The following NEBL variants were observed in gnomAD, a reference collection of about 807,000 sequenced individuals.
The protein encoded by NEBL is nebulette, also known as LIM and SH3 protein 2.
In NEBL, 122 loss-of-function variants were observed where a neutral mutation model predicts 140.2. The observed-to-expected ratio is 0.87, with a 90% confidence interval of 0.75 to 1.01. The LOEUF is 1.01. Ranked by LOEUF, NEBL falls within the 50% of genes least tolerant of loss-of-function variation. The pLI is 0.00. For synonymous variants in NEBL, 436 were observed against 398.9 expected, an observed-to-expected ratio of 1.09 and a Z score of -1.11; for missense variants, 1,365 against 1,231.3, an observed-to-expected ratio of 1.11 and a Z score of -1.62.
chr10:20,887,411 CTTTTTTTTTTTT>C (rs36034071), intron 4 of NEBL, among the ~76,000 whole-genome samples: 3 of 80,626 alleles, frequency 3.7e-5, no homozygotes, highest in African/African-American at 9.8e-5. Flanking sequence ...TGAATTCAAC[CTTTTTTTTTTTT>C]TTTTTTTTTT....
chr10:21,256,278 G>A (rs1001512269), intron 1 of NEBL, among the ~76,000 whole-genome samples: 1 of 152,114 alleles, frequency 6.6e-6, no homozygotes, highest in Admixed American at 6.5e-5. Flanking sequence ...TTGTTGGCCA[G>A]GCTGGTCTCA....
rs111859285 is a variant in NEBL, at chr10:21,098,405, T to C, written c.164+73978A>G. On this transcript the variant is annotated intron_variant, in intron 2 of 6. Transcript: ENST00000417816. ...ACAGCAGGTCATCAATAAATGCTCATTGAATTGAAATATGGTACCAAATGC... is the reference window on the plus strand; with the variant it reads ...ACAGCAGGTCATCAATAAATGCTCACTGAATTGAAATATGGTACCAAATGC... Among the ~76,000 whole-genome samples the C allele has an allele frequency of 4.3e-3, 660 of 152,300 alleles. 6 individuals carry two copies. Among genetic ancestry groups the C allele is most frequent in the Non-Finnish European group, 7.0e-3 (475 of 68,030 alleles).
chr10:20,857,451 A>G lies in NEBL; in HGVS notation c.903+789T>C, dbSNP rs3791200. ...GCCTGGCCCAAAGCAGATATTCAAT[A>G]AATTATGATTAATTTTGAGCAAGTG... On this transcript the variant is annotated intron_variant, in intron 9 of 27. Transcript: ENST00000377122. Among the ~76,000 whole-genome samples, 357 of 152,306 alleles carry G rather than the reference A, an allele frequency of 2.3e-3. 12 individuals carry two copies. In the East Asian group the frequency reaches 0.054, roughly 23 times the overall value.
intron 1 of NEBL, among the ~76,000 whole-genome samples, chr10:21,254,817 C>G (rs1024160865): frequency 6.6e-6 from 1 of 152,092 alleles, no homozygotes; most frequent in Admixed American, 6.6e-5. Context: ...ACTTCACATA[C>G]CCTGCCCATG....
chr10:21,214,544 T>G (rs545174526), intron 3 of NEBL, among the ~76,000 whole-genome samples: 1 of 150,180 alleles, frequency 6.7e-6, no homozygotes, highest in Non-Finnish European at 1.5e-5. Flanking sequence ...CATACACACA[T>G]GCACACACAT....
At chr10:20,840,931 C>T (rs969617732) in intron 12 of NEBL, 82 bp from the exon 13 acceptor site, 14 of 821,430 alleles carry the variant, frequency 1.7e-5, no homozygotes, top group Non-Finnish European at 2.8e-5. Context: ...TTCTAGAGAT[C>T]ACAGAAATGA....
chr10:21,238,833 A>G (rs1842398578), intron 3 of NEBL, among the ~76,000 whole-genome samples: 1 of 151,408 alleles, frequency 6.6e-6, no homozygotes, highest in Non-Finnish European at 1.5e-5. Context: ...ACTCAGTGGC[A>G]GGTGTCTGAC....
At chr10:20,935,956 G>A (rs532291521) in intron 4 of NEBL, among the ~76,000 whole-genome samples, 1 of 151,898 alleles carries the variant, frequency 6.6e-6, no homozygotes, top group African/African-American at 2.4e-5. Flanking sequence ...AAACTGTAAG[G>A]GATGGTAATC....
intron 2 of NEBL, chr10:21,172,082 C>A: frequency 2.5e-6 from 1 of 405,986 alleles, no homozygotes; most frequent in Non-Finnish European, 4.6e-6. Context: ...ACTTCAGAGC[C>A]CACACGTTCT....
chr10:21,143,156 T>G (rs1839723234), intron 2 of NEBL, among the ~76,000 whole-genome samples: 1 of 152,248 alleles, frequency 6.6e-6, no homozygotes, highest in African/African-American at 2.4e-5. Context: ...GAGGTTAAAC[T>G]TTAAGCATGA....
intron 3 of NEBL, among the ~76,000 whole-genome samples, chr10:21,011,723 T>C (rs1270031203): frequency 1.3e-5 from 2 of 152,188 alleles, no homozygotes; most frequent in Non-Finnish European, 2.9e-5. Context: ...GTGTTCTTCC[T>C]TGGCTCAGGA....
chr10:20,949,043 G>A (rs1835313952), intron 4 of NEBL, among the ~76,000 whole-genome samples: 2 of 152,062 alleles, frequency 1.3e-5, no homozygotes, highest in Admixed American at 6.6e-5. Flanking sequence ...TTTTTAAAAG[G>A]CAAAATATTT....
chr10:21,037,125 A>G (rs756465055), intron 2 of NEBL, among the ~76,000 whole-genome samples: 1 of 152,080 alleles, frequency 6.6e-6, no homozygotes, highest in Non-Finnish European at 1.5e-5. Context: ...CCCCATTGCA[A>G]CTGAAACCCA....
At chr10:20,846,851 A>C (rs1033314005) in intron 11 of NEBL, among the ~76,000 whole-genome samples, 11 of 151,178 alleles carry the variant, frequency 7.3e-5, no homozygotes, top group Non-Finnish European at 1.6e-4. Context: ...TATAGCTAGA[A>C]AAAAAAAAAC....
intron 3 of NEBL, among the ~76,000 whole-genome samples, chr10:21,211,073 A>G (rs1418140660): frequency 1.3e-5 from 2 of 152,234 alleles, no homozygotes; most frequent in African/African-American, 2.4e-5. Context: ...TCACAGATTC[A>G]GTAGGAATAA....
At chr10:20,966,096 C>T (rs1287909826) in intron 3 of NEBL, among the ~76,000 whole-genome samples, 9 of 152,180 alleles carry the variant, frequency 5.9e-5, no homozygotes, top group Admixed American at 5.9e-4. Flanking sequence ...AGGCAACTTG[C>T]TTTGCCATAT....
chr10:21,213,080 G>A (rs1841941541), intron 3 of NEBL, among the ~76,000 whole-genome samples: 1 of 152,058 alleles, frequency 6.6e-6, no homozygotes, highest in African/African-American at 2.4e-5. Context: ...ATTTAGCCAT[G>A]TCTCATCTCA....
chr10:20,821,952 C>A (rs1480456475), intron 19 of NEBL, among the ~76,000 whole-genome samples: 2 of 152,186 alleles, frequency 1.3e-5, no homozygotes, highest in African/African-American at 4.8e-5. Flanking sequence ...ACCTTTATTA[C>A]CTTTTCAAGA....
intron 3 of NEBL, among the ~76,000 whole-genome samples, chr10:21,241,711 CG>C (rs1564548516): frequency 2.0e-5 from 3 of 152,130 alleles, no homozygotes; most frequent in African/African-American, 7.2e-5. Flanking sequence ...TATGCCTATA[CG>C]GAAACCAGGC....
Sources: gnomAD v4.1 joint callset for allele counts (sites outside exome capture counted in the v4.1 genomes callset) on GRCh38, gnomAD v4.1.1 for gene constraint, MANE v1.5 for transcripts, NCBI Gene and HGNC (gene_info 2026-07-23, HGNC 2026-07-21) for gene names.